Variants in CATSPERE observed in about 807,000 individuals in gnomAD.
CATSPERE encodes cation channel sperm-associated auxiliary subunit epsilon.
A neutral mutation model predicts 114.1 loss-of-function variants in CATSPERE; 93 were observed. The ratio of observed to expected loss-of-function variants is 0.81; its 90% confidence interval spans 0.69 to 0.97. The LOEUF (loss-of-function observed/expected upper bound fraction) is 0.97, where lower values mean the gene tolerates loss of function less well. CATSPERE is among the 50% of genes least tolerant of loss of function. The pLI, the probability that CATSPERE is intolerant of heterozygous loss-of-function variation, is 0.00. For synonymous variants in CATSPERE, 341 were observed against 384.1 expected, an observed-to-expected ratio of 0.89 and a Z score of 1.31; for missense variants, 1,058 against 1,131.6, an observed-to-expected ratio of 0.93 and a Z score of 0.93.
At chr1:244,491,126 A>G (rs1009484282) in intron 6 of CATSPERE, among the ~76,000 whole-genome samples, 3 of 152,192 alleles carry the variant, frequency 2.0e-5, no homozygotes, top group African/African-American at 4.8e-5. Flanking sequence ...CTCCACCACA[A>G]ATCAACAGAA....
intron 7 of CATSPERE, among the ~76,000 whole-genome samples, chr1:244,500,905 A>T (rs1035564584): frequency 1.3e-5 from 2 of 152,206 alleles, no homozygotes; most frequent in African/African-American, 4.8e-5. Flanking sequence ...GCTTGATGGG[A>T]ATAGCATTGA....
chr1:244,489,403 C>T (rs944762934), intron 5 of CATSPERE, among the ~76,000 whole-genome samples: 6 of 142,518 alleles, frequency 4.2e-5, no homozygotes. Flanking sequence ...GAAGATTAAT[C>T]ATGAAGTTTT....
At position 244,635,498 on chromosome 1, in the gene CATSPERE, C is replaced by G; in HGVS notation, c.2658C>G (p.Asn886Lys). Reference protein sequence around the residue: ...KILDPNYSFCNLTAMFAIETF... With the variant: ...KILDPNYSFCKLTAMFAIETF... ...TTTTTCTGCTTTGCAGTTTCTGTAA[C>G]CTAACAGCTATGTTTGCAATAGAGA... is the stretch of plus-strand genomic sequence containing the variant. Residue 886 changes from asparagine to lysine, a missense_variant, in exon 21 of 22, where the codon AAC becomes AAG. Physicochemically the swap from Asn to Lys is moderately conservative, Grantham distance 94 (BLOSUM62 0). Transcript: ENST00000366534. 1 of 1,611,964 alleles carries G rather than the reference C, an allele frequency of 6.2e-7. No individual in the cohort carries two copies. The highest frequency in any genetic ancestry group is 1.1e-5 in the South Asian group (1 of 90,962).
chr1:244,454,080 T>C (rs928564565), upstream of CATSPERE, among the ~76,000 whole-genome samples: 3 of 152,166 alleles, frequency 2.0e-5, no homozygotes, highest in African/African-American at 7.2e-5. Context: ...CGTTTGTATA[T>C]GTGGAAGGGA....
At chr1:244,605,543 A>G (rs1023286486) in intron 17 of CATSPERE, 152 bp from the exon 18 acceptor site, 15 of 448,700 alleles carry the variant, frequency 3.3e-5, no homozygotes, top group Non-Finnish European at 1.6e-5. Context: ...CAAGGCTTCA[A>G]GAGTTTAAGT....
At chr1:244,497,242 G>A (rs773419199) in intron 6 of CATSPERE, among the ~76,000 whole-genome samples, 4 of 152,056 alleles carry the variant, frequency 2.6e-5, no homozygotes, top group Non-Finnish European at 5.9e-5. Flanking sequence ...ACTCCATAAA[G>A]CTGGAAGATA....
chr1:244,461,658 T>C (rs1344506775), intron 1 of CATSPERE, 164 bp downstream of exon 1: 1 of 471,128 alleles, frequency 2.1e-6, no homozygotes, highest in Non-Finnish European at 3.4e-6. Flanking sequence ...GTCCCACCGC[T>C]CCCACCCGAG....
At chr1:244,490,497 AG>A in intron 6 of CATSPERE, 26 bp downstream of exon 6, 8 of 1,326,128 alleles carry the variant, frequency 6.0e-6, no homozygotes, top group Non-Finnish European at 8.6e-6. Flanking sequence ...AATTTTGTAT[AG>A]CCTTCATATA....
rs566930048 is a variant in CATSPERE at position 244,599,876 on chromosome 1, G to C, written c.2304-5819G>C. ...AAGTAGAGGCAAAATATAGTCTACA[G>C]TTTTTCAGCTTTGGGCTGGAAAATA... On this transcript the variant is annotated intron_variant, in intron 17 of 21. Coordinates refer to ENST00000366534, the MANE Select transcript of CATSPERE (RefSeq NM_001130957.2). Among the ~76,000 whole-genome samples the C allele has an allele frequency of 4.6e-5, 7 of 152,264 alleles. 1 individual carries two copies. In the South Asian group the frequency reaches 1.5e-3, roughly 32 times the overall value.
rs920266744 is a variant in CATSPERE at position 244,521,967 on chromosome 1, G to C, written c.536+3269G>C. Among the ~76,000 whole-genome samples the C allele has an allele frequency of 9.2e-5, 14 of 152,026 alleles. 1 individual carries two copies. The highest frequency in any genetic ancestry group is 3.4e-4 in the African/African-American group (14 of 41,374). On this transcript the variant is annotated intron_variant, in intron 8 of 21. Transcript: ENST00000366534. ...CAAGGATACCCAGGAATTGAACTCAGCTCTGCACCAAGCAGACCTAATAGA... is the reference window on the plus strand; with the variant it reads ...CAAGGATACCCAGGAATTGAACTCACCTCTGCACCAAGCAGACCTAATAGA...
chr1:244,593,288 T>C (rs1259069118), intron 15 of CATSPERE, 107 bp from the exon 16 acceptor site: 18 of 1,081,958 alleles, frequency 1.7e-5, no homozygotes, highest in Non-Finnish European at 2.3e-5. Flanking sequence ...CATAATTATA[T>C]TTATCTGTTT....
intron 8 of CATSPERE, among the ~76,000 whole-genome samples, chr1:244,536,110 G>A (rs1239660500): frequency 3.9e-5 from 6 of 151,936 alleles, no homozygotes; most frequent in Middle Eastern, 3.4e-3. Context: ...CCTTTCTGCT[G>A]TGGCTGAGCT....
At chr1:244,477,208 C>G (rs952399531) in intron 2 of CATSPERE, among the ~76,000 whole-genome samples, 2 of 152,176 alleles carry the variant, frequency 1.3e-5, no homozygotes, top group South Asian at 4.1e-4. Context: ...GTTGGCCAGA[C>G]TGGTCTCAAA....
At chr1:244,519,951 C>T (rs1179110286) in intron 8 of CATSPERE, among the ~76,000 whole-genome samples, 1 of 152,186 alleles carries the variant, frequency 6.6e-6, no homozygotes, top group Non-Finnish European at 1.5e-5. Context: ...CCCTCACTCA[C>T]GGATTCACCA....
At chr1:244,458,773 G>A (rs1666383574), upstream of CATSPERE, among the ~76,000 whole-genome samples, 1 of 152,202 alleles carries the variant, frequency 6.6e-6, no homozygotes, top group South Asian at 2.1e-4. Context: ...AATTGCATAA[G>A]TGCAGTAAGA....
rs374435014 is a variant in CATSPERE, at chr1:244,591,116, G to A, written c.2139-565G>A. 1.1e-4 allele frequency among the ~76,000 whole-genome samples: 16 copies of A among 151,148 alleles called. 1 individual carries two copies. The South Asian group carries it at 1.5e-3, about 14-fold the overall frequency. On this transcript the variant is annotated intron_variant, in intron 14 of 21. Transcript: ENST00000366534. ...GCCAACTCTTGTTTCTTTCTGTGTT[G>A]GGGAGTTTTTGGTTTTTGTTCTGAT... is the stretch of plus-strand genomic sequence containing the variant.
chr1:244,566,601 T>A (rs1481056468), intron 10 of CATSPERE, among the ~76,000 whole-genome samples: 3 of 151,178 alleles, frequency 2.0e-5, no homozygotes, highest in Non-Finnish European at 4.4e-5. Context: ...TCTTTTTTGA[T>A]CTTTGCTGGT....
In CATSPERE at chr1:244,568,480, G is replaced by T. The variant is rs1209835394; in HGVS notation, c.1508-3850G>T. On this transcript the variant is annotated intron_variant, in intron 10 of 21. Transcript: ENST00000366534. This position sits in a 1 kb window ranked among gnomAD's most constrained non-coding sequence, Gnocchi z 4.4. ...CCCAGGTGCTCTGTCCCAGGGAGAT[G>T]AGGGTTTTATCTATAAGCCCCTGAG... Among the ~76,000 whole-genome samples the T allele has an allele frequency of 6.6e-6, 1 of 152,226 alleles. No homozygotes were observed. Among genetic ancestry groups the T allele is most frequent in the African/African-American group, 2.4e-5 (1 of 41,470 alleles).
chr1:244,541,360 A>G (rs1658689413), intron 8 of CATSPERE, among the ~76,000 whole-genome samples: 1 of 150,096 alleles, frequency 6.7e-6, no homozygotes, highest in Non-Finnish European at 1.5e-5. Context: ...ATGAACAGGC[A>G]CTTCTCAAAA....
Sources: allele counts gnomAD v4.1 joint callset (sites outside exome capture counted in the v4.1 genomes callset), GRCh38; gene constraint gnomAD v4.1.1; non-coding constraint Gnocchi (gnomAD v3.1); transcripts MANE v1.5; gene names NCBI Gene and HGNC (gene_info 2026-07-23, HGNC 2026-07-21).